The following TM9SF4 variants were observed in gnomAD, a reference collection of about 807,000 sequenced individuals.
The protein encoded by TM9SF4 is transmembrane 9 superfamily member 4.
Under a neutral mutation model 90.4 loss-of-function variants are expected in TM9SF4, and 26 were observed. The observed-to-expected ratio is 0.29, with a 90% CI of 0.21 to 0.40. TM9SF4 has a LOEUF of 0.40. Ranked by LOEUF, TM9SF4 falls within the 10% of genes least tolerant of loss-of-function variation. The pLI, the probability that TM9SF4 is intolerant of heterozygous loss-of-function variation, is 1.00. For missense variants in TM9SF4, 549 were observed against 834.8 expected (o/e 0.66, Z 4.22); for synonymous variants, 293 against 315.4 (o/e 0.93, Z 0.75).
intron 13 of TM9SF4, among the ~76,000 whole-genome samples, chr20:32,156,315 C>T (rs949750943): frequency 1.3e-5 from 2 of 152,058 alleles, no homozygotes. Flanking sequence ...AGTTCTAATC[C>T]CCCATATCCC....
At chr20:32,124,625 C>T (rs546898383) in intron 1 of TM9SF4, among the ~76,000 whole-genome samples, 2 of 151,372 alleles carry the variant, frequency 1.3e-5, no homozygotes, top group South Asian at 2.1e-4. Context: ...CTCATTCCAT[C>T]ACCCAAACTG....
chr20:32,134,411 G>A (rs2046565778), intron 2 of TM9SF4, among the ~76,000 whole-genome samples: 1 of 152,178 alleles, frequency 6.6e-6, no homozygotes, highest in Non-Finnish European at 1.5e-5. Flanking sequence ...AGCAATTCAT[G>A]AAATGTTTAA....
intron 12 of TM9SF4, among the ~76,000 whole-genome samples, 181 bp downstream of exon 12, chr20:32,151,056 G>A (rs1364796376): frequency 2.6e-5 from 4 of 152,102 alleles, no homozygotes; most frequent in Non-Finnish European, 4.4e-5. Flanking sequence ...CCACAGGCTC[G>A]CAGCAGAACC....
At chr20:32,119,526 T>G (rs2046274866) in intron 1 of TM9SF4, among the ~76,000 whole-genome samples, 1 of 138,026 alleles carries the variant, frequency 7.2e-6, no homozygotes, top group African/African-American at 2.7e-5. Context: ...TAAATCGGAT[T>G]GTCATTTTCT....
chr20:32,118,302 C>T (rs1415066431), intron 1 of TM9SF4, among the ~76,000 whole-genome samples: 1 of 152,216 alleles, frequency 6.6e-6, no homozygotes, highest in East Asian at 1.9e-4. Flanking sequence ...TACCTGGTGC[C>T]AGAATCCGCT....
chr20:32,155,848 G>T (rs1290610253), intron 13 of TM9SF4, among the ~76,000 whole-genome samples: 1 of 152,160 alleles, frequency 6.6e-6, no homozygotes, highest in South Asian at 2.1e-4. Context: ...GAGGCTTCAC[G>T]TCCAGGCTTA....
Position 32,158,461 on chromosome 20 carries a change from G to T in TM9SF4, c.1516G>T (p.Ala506Ser), listed in dbSNP as rs577877732. 1 of 1,614,196 alleles carries T rather than the reference G, an allele frequency of 6.2e-7. No homozygotes were observed. The highest frequency in any genetic ancestry group is 2.2e-5 in the East Asian group (1 of 44,870). The change falls in exon 15 of 18, where the codon GCT (alanine) becomes TCT (serine). Residue 506 changes from alanine (A) to serine (S), a missense_variant. Physicochemically the swap from Ala to Ser is moderately conservative, Grantham distance 99 (BLOSUM62 1). Coordinates refer to ENST00000398022, the MANE Select transcript of TM9SF4 (RefSeq NM_014742.4). ...CTCGTTCTGTGGCAGCATCCTCATG[G>T]CTGGGATCTTGCCCTTCGGCGCCAT... is the stretch of plus-strand genomic sequence containing the variant. Reference protein sequence around the residue: ...YMNRFVGILMAGILPFGAMFI... With the variant: ...YMNRFVGILMSGILPFGAMFI...
intron 13 of TM9SF4, among the ~76,000 whole-genome samples, chr20:32,156,465 A>G (rs1448645678): frequency 6.6e-6 from 1 of 152,246 alleles, no homozygotes; most frequent in Non-Finnish European, 1.5e-5. Context: ...CTCGAGTCCC[A>G]TATATAAAGT....
At chr20:32,157,429 C>T (rs952626346) in intron 13 of TM9SF4, among the ~76,000 whole-genome samples, 3 of 152,212 alleles carry the variant, frequency 2.0e-5, no homozygotes, top group African/African-American at 7.2e-5. Flanking sequence ...AGATTGGGAG[C>T]ACTTTGTACA....
intron 2 of TM9SF4, among the ~76,000 whole-genome samples, chr20:32,133,418 C>G (rs1447484914): frequency 6.6e-6 from 1 of 152,148 alleles, no homozygotes; most frequent in Non-Finnish European, 1.5e-5. Context: ...GTGTCCATCT[C>G]TTTTTGTGCC....
rs2047099000 is a variant in TM9SF4 at position 32,166,404 on chromosome 20, C to T, written c.*960C>T. ...CTCCAAGGTGTGCTAGCAGTGGGCC[C>T]TGCCCAACTTCAGGCAGAACAGGGA... is the stretch of plus-strand genomic sequence containing the variant. On this transcript the variant is annotated 3_prime_UTR_variant, in exon 18 of 18. Transcript: ENST00000398022. The T allele has an allele frequency of 6.5e-6, 1 of 152,762 alleles. No homozygotes were observed. Among genetic ancestry groups the T allele is most frequent in the Non-Finnish European group, 1.5e-5 (1 of 68,286 alleles). 9.5% of individuals were successfully genotyped at this position (152,762 alleles called of 1,614,324 possible). A position where few individuals can be genotyped will look rare whatever the true frequency, so the allele number is the denominator to read the frequency against.
intron 3 of TM9SF4, among the ~76,000 whole-genome samples, chr20:32,139,228 C>T (rs1443481445): frequency 6.6e-6 from 1 of 152,238 alleles, no homozygotes; most frequent in Non-Finnish European, 1.5e-5. Context: ...GGGCCGATAA[C>T]CCCCAACTTC....
chr20:32,123,937 G>A lies in TM9SF4; in HGVS notation c.16-9076G>A, dbSNP rs769566802. ...GAGTGCAGTGGCACAATCATAGCTC[G>A]CTGCAACCTCAAACTCCTGAACTCA... On this transcript the variant is annotated intron_variant, in intron 1 of 17. Transcript: ENST00000398022. Among the ~76,000 whole-genome samples, 114 of 147,800 alleles carry A rather than the reference G, an allele frequency of 7.7e-4. No individual in the cohort carries two copies. In the Middle Eastern group the frequency reaches 0.014, roughly 18 times the overall value.
chr20:32,122,633 T>A (rs1317229727), intron 1 of TM9SF4, among the ~76,000 whole-genome samples: 1 of 150,590 alleles, frequency 6.6e-6, no homozygotes, highest in Admixed American at 6.6e-5. Context: ...GAGGCGCTCC[T>A]CACTTCCCAG....
At chr20:32,143,195 G>A in intron 6 of TM9SF4, 90 bp downstream of exon 6, 1 of 1,501,078 alleles carries the variant, frequency 6.7e-7, no homozygotes, top group South Asian at 1.2e-5. Context: ...CTCCTGAGCT[G>A]GCCGATGGGC....
At chr20:32,152,498 A>C (rs1215594202) in intron 12 of TM9SF4, among the ~76,000 whole-genome samples, 2 of 151,866 alleles carry the variant, frequency 1.3e-5, no homozygotes, top group African/African-American at 2.4e-5. Context: ...TGTTCTGTGA[A>C]TGTTCCGTGA....
At chr20:32,123,812 T>C (rs1395136694) in intron 1 of TM9SF4, among the ~76,000 whole-genome samples, 3 of 147,608 alleles carry the variant, frequency 2.0e-5, no homozygotes, top group Non-Finnish European at 3.0e-5. Context: ...TCAAACACTT[T>C]GGATAGCTCT....
chr20:32,156,943 T>TTTTTTC (rs2046933191), intron 13 of TM9SF4, among the ~76,000 whole-genome samples: 1 of 49,536 alleles, frequency 2.0e-5, no homozygotes, highest in East Asian at 1.8e-3. Flanking sequence ...GGACATTTTC[T>TTTTTTC]TTTTTTTTTT....
intron 9 of TM9SF4, 64 bp from the exon 10 acceptor site, chr20:32,149,570 G>T: frequency 6.2e-7 from 1 of 1,611,532 alleles, no homozygotes; most frequent in Admixed American, 1.7e-5. Flanking sequence ...TCACCTTGGG[G>T]GTGGTCCCTG....
Sources: gnomAD v4.1 joint callset for allele counts (sites outside exome capture counted in the v4.1 genomes callset) on GRCh38, gnomAD v4.1.1 for gene constraint, MANE v1.5 for transcripts, NCBI Gene and HGNC (gene_info 2026-07-23, HGNC 2026-07-21) for gene names.